RFTN2: variants seen among roughly 807,000 people sequenced by gnomAD.
RFTN2 encodes the protein raftlin-2.
Under a neutral mutation model 52.7 loss-of-function variants are expected in RFTN2, and 34 were observed. The ratio of observed to expected loss-of-function variants is 0.64; its 90% CI spans 0.49 to 0.86. The LOEUF (loss-of-function observed/expected upper bound fraction) is 0.86. Ranked by LOEUF, RFTN2 falls within the 40% of genes least tolerant of loss-of-function variation. The pLI is 0.00. For missense variants in RFTN2, 536 were observed against 600.1 expected (o/e 0.89, Z 1.12); for synonymous variants, 203 against 217.7 (o/e 0.93, Z 0.59).
intron 1 of RFTN2, among the ~76,000 whole-genome samples, chr2:197,654,594 G>A (rs2088867649): frequency 6.6e-6 from 1 of 152,148 alleles, no homozygotes; most frequent in Non-Finnish European, 1.5e-5. Flanking sequence ...CCTTTTGGTG[G>A]AAGCTTGGAG....
At chr2:197,595,918 G>A in intron 8 of RFTN2, 73 bp downstream of exon 8, 1 of 1,035,080 alleles carries the variant, frequency 9.7e-7, no homozygotes, top group Non-Finnish European at 1.5e-6. Flanking sequence ...TTCTTATTTG[G>A]AATTACAATG....
chr2:197,645,360 G>T (rs780609971), intron 2 of RFTN2, among the ~76,000 whole-genome samples: 1 of 152,116 alleles, frequency 6.6e-6, no homozygotes, highest in Non-Finnish European at 1.5e-5. Context: ...TACCATCTAG[G>T]TTTGTGTAAG....
rs1574762475 is a variant in RFTN2, at chr2:197,675,548, T to A, written c.-90A>T. On this transcript the variant is annotated 5_prime_UTR_variant, in exon 1 of 9. Coordinates refer to ENST00000295049, the MANE Select transcript of RFTN2 (RefSeq NM_144629.3). ...AGCTGCAAAAAGAAAGTTACAGACT[T>A]AACTGCTTTGATTTTGTTTTCAGCT... The A allele has an allele frequency of 1.7e-6, 1 of 583,584 alleles. No homozygotes were observed. Among genetic ancestry groups the A allele is most frequent in the Non-Finnish European group, 2.3e-6 (1 of 426,178 alleles). 36.2% of individuals were successfully genotyped at this position (583,584 alleles called of 1,614,324 possible).
intron 5 of RFTN2, among the ~76,000 whole-genome samples, chr2:197,626,711 T>G (rs1312798524): frequency 7.7e-6 from 1 of 129,844 alleles, no homozygotes; most frequent in Non-Finnish European, 1.6e-5. Context: ...AACCTCTGCC[T>G]CCTGGCAAGC....
intron 3 of RFTN2, among the ~76,000 whole-genome samples, chr2:197,636,023 G>C (rs1262264979): frequency 4.2e-5 from 6 of 143,632 alleles, no homozygotes; most frequent in Non-Finnish European, 6.1e-5. Flanking sequence ...GTTTTTCTCA[G>C]GTTTGTCAAA....
chr2:197,572,130 C>G lies in RFTN2; in HGVS notation c.1384G>C (p.Glu462Gln). The change falls in exon 9 of 9, where the codon GAG (glutamate) becomes CAG (glutamine). Residue 462 changes from glutamate (E) to glutamine (Q), a missense_variant. Physicochemically the swap from Glu to Gln is conservative, Grantham distance 29 (BLOSUM62 2). Transcript: ENST00000295049. ...LSPSRECWTK[E>Q]GRLAQHNSFS... ...CTGTTGTGCTGTGCCAGCCTTCCCT[C>G]CTTTGTCCAGCATTCCCGGGAGGGA... 6.2e-7 allele frequency: 1 copy of G among 1,614,272 alleles called. No individual in the cohort carries two copies.
At chr2:197,622,087 A>G (rs2106219730) in intron 5 of RFTN2, among the ~76,000 whole-genome samples, 2 of 152,318 alleles carry the variant, frequency 1.3e-5, no homozygotes, top group South Asian at 4.1e-4. Flanking sequence ...ACTCTCTTCC[A>G]TTCTATGAAG....
rs548690206 is a variant in RFTN2, at chr2:197,589,327, C to T, written c.1233+6664G>A. On this transcript the variant is annotated intron_variant, in intron 8 of 8. Transcript: ENST00000295049. ...TAAGATGTGACTTGCTCCTCCTTGC[C>T]TTCTGCCATGATTGTGAGGCCTCCT... Among the ~76,000 whole-genome samples the T allele has an allele frequency of 1.7e-4, 25 of 151,068 alleles. No individual in the cohort carries two copies. The South Asian group carries it at 5.0e-3, about 30-fold the overall frequency.
intron 3 of RFTN2, among the ~76,000 whole-genome samples, chr2:197,634,698 T>A (rs2088531063): frequency 7.0e-6 from 1 of 142,612 alleles, no homozygotes; most frequent in Admixed American, 6.8e-5. Flanking sequence ...TTTTATTTTT[T>A]ATTTTTTTTT....
chr2:197,594,989 T>C (rs759956610), intron 8 of RFTN2, among the ~76,000 whole-genome samples: 4 of 152,244 alleles, frequency 2.6e-5, no homozygotes, highest in Non-Finnish European at 5.9e-5. Context: ...TTGATTTAGA[T>C]ACAGAAAAAG....
At position 197,675,580 on chromosome 2, in the gene RFTN2, T is replaced by C. The variant is rs536366161; in HGVS notation, c.-122A>G. 11 of 55,090 alleles carry C rather than the reference T, an allele frequency of 2.0e-4. No individual in the cohort carries two copies. The highest frequency in any genetic ancestry group is 1.4e-3 in the African/African-American group (6 of 4,328). 3.4% of individuals were successfully genotyped at this position (55,090 alleles called of 1,614,324 possible). On this transcript the variant is annotated 5_prime_UTR_variant, in exon 1 of 9. Coordinates refer to ENST00000295049, the MANE Select transcript of RFTN2 (RefSeq NM_144629.3). ...TTTGATTTTGTTTTCAGCTAAACTATAGATAACCAAAAAAAAAAAAAAAAG... is the reference window on the plus strand; with the variant it reads ...TTTGATTTTGTTTTCAGCTAAACTACAGATAACCAAAAAAAAAAAAAAAAG...
In RFTN2 at chr2:197,617,870, C is replaced by A. The variant is rs530669285; in HGVS notation, c.980G>T (p.Gly327Val). Residue 327 changes from glycine (G) to valine (V), a missense_variant, in exon 6 of 9, where the codon GGT (glycine) becomes GTT (valine). Transcript: ENST00000295049. ...LEGFFIYEEE[G>V]SGVPGSSRKG... ...CCTACTAGAACCTGGAACTCCAGAA[C>A]CTTCTTCTTCATAGATAAAAAATCC... The A allele has an allele frequency of 6.8e-5, 110 of 1,608,608 alleles. No homozygotes were observed. Among genetic ancestry groups the A allele is most frequent in the Non-Finnish European group, 6.2e-5 (73 of 1,176,166 alleles).
intron 8 of RFTN2, among the ~76,000 whole-genome samples, chr2:197,584,234 G>T (rs2087561232): frequency 6.6e-6 from 1 of 152,178 alleles, no homozygotes; most frequent in Admixed American, 6.6e-5. Context: ...CCAGTTTACA[G>T]TCCCACCAAC....
At position 197,633,924 on chromosome 2, in the gene RFTN2, C is replaced by G. The variant is rs569834164; in HGVS notation, c.512G>C (p.Cys171Ser). 7.1e-5 allele frequency: 115 copies of G among 1,613,240 alleles called. No individual in the cohort carries two copies. The South Asian group carries it at 1.2e-3, about 17-fold the overall frequency. Residue 171 changes from cysteine (C) to serine (S), a missense_variant, in exon 4 of 9, where the codon TGC becomes TCC. Cys to Ser is a moderately radical substitution (Grantham distance 112). Coordinates refer to ENST00000295049, the MANE Select transcript of RFTN2 (RefSeq NM_144629.3). The stretch of plus-strand genomic sequence containing the variant: ...ATCTCCATCATGGTTGGTTCCATTG[C>G]AGAATTTAGATGGAGAATAATGCTG... ...ISQHYSPSKF[C>S]NGTNHDGDIE... is the part of the protein sequence containing the mutation.
At chr2:197,601,586 C>T (rs554946271) in intron 7 of RFTN2, among the ~76,000 whole-genome samples, 7 of 152,074 alleles carry the variant, frequency 4.6e-5, no homozygotes, top group Non-Finnish European at 7.4e-5. Context: ...AGAGTGACTA[C>T]ATTTGCTTGT....
rs1435059656 is a variant in RFTN2 at position 197,618,875 on chromosome 2, A to C, written c.929-954T>G. Among the ~76,000 whole-genome samples, 618 of 148,540 alleles carry C rather than the reference A, an allele frequency of 4.2e-3. 6 individuals are homozygous for C. Among genetic ancestry groups the C allele is most frequent in the African/African-American group, 0.015 (599 of 39,688 alleles). On this transcript the variant is annotated intron_variant, in intron 5 of 8. Coordinates refer to ENST00000295049, the MANE Select transcript of RFTN2 (RefSeq NM_144629.3). ...CAGCCGCCCCGTCTGAGAAGTGAGG[A>C]GCCCCTCCGCCCAGCAGCCACCCCG...
At chr2:197,664,139 CA>C (rs1211696193) in intron 1 of RFTN2, among the ~76,000 whole-genome samples, 18 of 151,716 alleles carry the variant, frequency 1.2e-4, no homozygotes, top group South Asian at 4.2e-4. Flanking sequence ...AGTTTTATTC[CA>C]TTGTGGTCTG....
chr2:197,598,097 T>C (rs1008790449), intron 7 of RFTN2, among the ~76,000 whole-genome samples: 4 of 152,150 alleles, frequency 2.6e-5, no homozygotes, highest in Non-Finnish European at 5.9e-5. Flanking sequence ...GGAGGATCCC[T>C]TGAGCCCAGG....
At chr2:197,626,400 C>CA (rs1204842457) in intron 5 of RFTN2, among the ~76,000 whole-genome samples, 3 of 151,492 alleles carry the variant, frequency 2.0e-5, no homozygotes, top group Admixed American at 2.0e-4. Context: ...ACCATGTCTA[C>CA]AAAAAAATTT....
Sources: allele counts gnomAD v4.1 joint callset (sites outside exome capture counted in the v4.1 genomes callset), GRCh38; gene constraint gnomAD v4.1.1; transcripts MANE v1.5; gene names NCBI Gene and HGNC (gene_info 2026-07-23, HGNC 2026-07-21).